Variants in USP7 observed in about 807,000 individuals in gnomAD.
The protein encoded by USP7 is ubiquitin C-terminal hydrolase 7.
In USP7, 9 loss-of-function variants were observed where a neutral mutation model predicts 162.9. The observed-to-expected ratio is 0.06, with a 90% CI of 0.03 to 0.10. The LOEUF is 0.10. Among genes scored for constraint, USP7 ranks in the 10% least tolerant of loss-of-function variants. The pLI is 1.00. For missense variants in USP7, 715 were observed against 1,373.7 expected (o/e 0.52, Z 7.58); for synonymous variants, 562 against 475.9 (o/e 1.18, Z -2.35).
Position 8,963,269 on chromosome 16 carries a change from T to A in USP7, c.17A>T (p.Gln6Leu), listed in dbSNP as rs1223248807. 3.0e-6 allele frequency: 4 copies of A among 1,353,458 alleles called. No homozygotes were observed. In the African/African-American group the frequency reaches 6.2e-5, roughly 21 times the overall value. The allele number at this position is 1,353,458 out of a possible 1,614,324, so 83.8% of individuals were successfully genotyped here. A position where few individuals can be genotyped will look rare whatever the true frequency, so the allele number is the denominator to read the frequency against. MNHQQ[Q>L]QQQQKAGEQQ... ...CTCGCCCGCTTTCTGCTGCTGCTGC[T>A]GCTGCTGGTGGTTCATGTCGGCCGC... is the stretch of plus-strand genomic sequence containing the variant. The change falls in exon 1 of 31, where the codon CAG becomes CTG. Residue 6 changes from glutamine to leucine, a missense_variant. Gln to Leu is a moderately radical substitution (Grantham distance 113). This residue lies in a region of USP7 where 137 missense variants were observed against 123.5 expected (regional missense o/e 1.11). Coordinates refer to ENST00000344836, the MANE Select transcript of USP7 (RefSeq NM_003470.3).
At chr16:8,925,401 G>C (rs575099568) in intron 2 of USP7, among the ~76,000 whole-genome samples, 2 of 152,234 alleles carry the variant, frequency 1.3e-5, no homozygotes, top group Middle Eastern at 3.4e-3. Context: ...GACCTAAAAA[G>C]CTGAAAGAAA....
intron 1 of USP7, among the ~76,000 whole-genome samples, chr16:8,950,443 T>C (rs1899499100): frequency 6.6e-6 from 1 of 152,202 alleles, no homozygotes. Flanking sequence ...CCAAAGGAAA[T>C]ACTGATCATT....
At position 8,902,082 on chromosome 16, in the gene USP7, G is replaced by C; in HGVS notation, c.2047C>G (p.His683Asp). The C allele has an allele frequency of 6.2e-7, 1 of 1,613,866 alleles. No homozygotes were observed. The highest frequency in any genetic ancestry group is 8.5e-7 in the Non-Finnish European group (1 of 1,179,812). ...AGGCAGGCGTCTCGTGGGCACTTAC[G>C]ATCTTTATCAAACTTGGGTAAGGTC... is the stretch of plus-strand genomic sequence containing the variant. ...GATLPKFDKD[H>D]DVMLFLKMYD... The change falls in exon 18 of 31, where the codon CAT (histidine) becomes GAT (aspartate). Residue 683 changes from histidine to aspartate, a missense_variant and splice_region_variant. Transcript: ENST00000344836.
At chr16:8,918,882 G>A in intron 6 of USP7, 149 bp downstream of exon 6, 1 of 751,832 alleles carries the variant, frequency 1.3e-6, no homozygotes, top group East Asian at 2.5e-5. Flanking sequence ...CCAGCACTGG[G>A]GAATGAAAAC....
intron 28 of USP7, 50 bp downstream of exon 28, chr16:8,894,981 A>C: frequency 6.2e-7 from 1 of 1,613,702 alleles, no homozygotes; most frequent in Non-Finnish European, 8.5e-7. Flanking sequence ...GCGGCCACTC[A>C]AAGGCTCCAG....
chr16:8,910,833 AAGAG>A lies in USP7; in HGVS notation c.1079-10_1079-7del, dbSNP rs751982165. On this transcript the variant is annotated splice_polypyrimidine_tract_variant and splice_region_variant and intron_variant, in intron 10 of 30. Transcript: ENST00000344836. ...ATCCACAAATGATTCAAATACTTTA[AAGAG>A]AGAGAGAGAAAAGTCAAGTGCTAAA... 8.1e-5 allele frequency: 131 copies of A among 1,612,052 alleles called. No individual in the cohort carries two copies. Among genetic ancestry groups the A allele is most frequent in the Middle Eastern group, 1.6e-4 (1 of 6,082 alleles).
chr16:8,909,157 T>G (rs1467639225), intron 11 of USP7, among the ~76,000 whole-genome samples: 1 of 152,228 alleles, frequency 6.6e-6, no homozygotes, highest in African/African-American at 2.4e-5. Flanking sequence ...GCTCTATCAC[T>G]GCTCCATCTT....
chr16:8,916,425 T>C, intron 8 of USP7, 77 bp downstream of exon 8: 2 of 1,463,932 alleles, frequency 1.4e-6, no homozygotes, highest in East Asian at 2.4e-5. Context: ...AGGTCTGAGG[T>C]TTTACTTGGT....
intron 8 of USP7, 122 bp downstream of exon 8, chr16:8,916,380 T>A: frequency 1.9e-6 from 2 of 1,048,524 alleles, no homozygotes; most frequent in Non-Finnish European, 2.7e-6. Context: ...GTAGCCTAAG[T>A]CTGATCCTAA....
rs1178559906 is a variant in USP7, at chr16:8,917,058, A to G, written c.819T>C (p.Pro273=). 1.2e-6 allele frequency: 2 copies of G among 1,609,938 alleles called. No individual in the cohort carries two copies. Among genetic ancestry groups the G allele is most frequent in the Non-Finnish European group, 8.5e-7 (1 of 1,178,772 alleles). The part of the protein sequence containing the change: ...VFYELQHSDK[P]VGTKKLTKSF... Reference sequence around the variant, plus strand: ...ACTTTGTTAACTTTTTTGTTCCTACAGGTTTATCACTATGCTGTAATTCAT... The same window carrying G: ...ACTTTGTTAACTTTTTTGTTCCTACGGGTTTATCACTATGCTGTAATTCAT... The change falls in exon 7 of 31, where the codon CCT becomes CCC. Residue 273 remains proline, a synonymous_variant. Transcript: ENST00000344836.
chr16:8,894,686 G>C (rs778935990), intron 29 of USP7, 46 bp from the exon 30 acceptor site: 4 of 1,611,172 alleles, frequency 2.5e-6, no homozygotes, highest in Non-Finnish European at 2.5e-6. Flanking sequence ...CTGTATATCA[G>C]CAAAACTCAC....
At chr16:8,908,571 A>G (rs2061895357) in intron 11 of USP7, 121 bp from the exon 12 acceptor site, 2 of 763,386 alleles carry the variant, frequency 2.6e-6, no homozygotes, top group African/African-American at 1.8e-5. Flanking sequence ...AAAGGCAGGG[A>G]AGTTTAGGTG....
At chr16:8,922,472 G>C (rs541492700) in intron 3 of USP7, among the ~76,000 whole-genome samples, 1 of 152,328 alleles carries the variant, frequency 6.6e-6, no homozygotes, top group African/African-American at 2.4e-5. Context: ...TGGCGACAGA[G>C]TGAGACTCTG....
At chr16:8,960,127 A>G (rs913762420) in intron 1 of USP7, among the ~76,000 whole-genome samples, 9 of 152,186 alleles carry the variant, frequency 5.9e-5, no homozygotes, top group African/African-American at 2.2e-4. Flanking sequence ...CATGGCCACC[A>G]AAGTTAGCGA....
chr16:8,941,701 G>A (rs1232644415), intron 1 of USP7, among the ~76,000 whole-genome samples: 1 of 152,214 alleles, frequency 6.6e-6, no homozygotes, highest in African/African-American at 2.4e-5. Flanking sequence ...GGAGTGAGGG[G>A]ACGGGCAGAG....
chr16:8,901,859 A>C (rs1017725120), intron 18 of USP7: 7 of 565,244 alleles, frequency 1.2e-5, no homozygotes, highest in African/African-American at 5.7e-5. Flanking sequence ...TGAAGACAGA[A>C]CAGGACGGCC....
chr16:8,904,663 G>C, intron 14 of USP7, 98 bp from the exon 15 acceptor site: 1 of 1,523,858 alleles, frequency 6.6e-7, no homozygotes, highest in Non-Finnish European at 8.8e-7. Context: ...AATCTATTAG[G>C]CCGGCGTGGT....
intron 1 of USP7, among the ~76,000 whole-genome samples, chr16:8,941,627 C>A (rs1899049167): frequency 6.6e-6 from 1 of 152,228 alleles, no homozygotes; most frequent in African/African-American, 2.4e-5. Context: ...TATCTTCCTT[C>A]TAGTACCTTG....
chr16:8,901,985 G>C (rs1030338537), intron 18 of USP7, 97 bp downstream of exon 18: 2 of 997,450 alleles, frequency 2.0e-6, no homozygotes, highest in South Asian at 2.9e-5. Context: ...ACATCTTTCT[G>C]CAAGGGAAGA....
Sources: allele counts gnomAD v4.1 joint callset (sites outside exome capture counted in the v4.1 genomes callset), GRCh38; gene constraint gnomAD v4.1.1; regional missense constraint gnomAD v4.1.1; transcripts MANE v1.5; gene names NCBI Gene and HGNC (gene_info 2026-07-23, HGNC 2026-07-21).